The following BACH2 variants were observed in gnomAD, a reference collection of about 807,000 sequenced individuals.
The protein encoded by BACH2 is transcription regulator protein BACH2.
Under a neutral mutation model 61.8 loss-of-function variants are expected in BACH2, and 5 were observed. That is an observed-to-expected ratio of 0.08 (90% confidence interval 0.04 to 0.17). BACH2 has a LOEUF of 0.17. Ranked by LOEUF, BACH2 falls within the 10% of genes least tolerant of loss-of-function variation. The probability of loss-of-function intolerance (pLI) is 1.00; values close to 1 mark genes in which losing one functional copy is unlikely to be tolerated. For missense variants in BACH2, 824 were observed against 1,091.1 expected, an observed-to-expected ratio of 0.76 and a Z score of 3.45; for synonymous variants, 446 against 440.1, an observed-to-expected ratio of 1.01 and a Z score of -0.17.
chr6:89,946,994 C>T (rs949936549), intron 7 of BACH2, among the ~76,000 whole-genome samples: 3 of 152,218 alleles, frequency 2.0e-5, no homozygotes, highest in Non-Finnish European at 4.4e-5. Flanking sequence ...TTACAGAATA[C>T]AAGGTATGTT....
Position 89,950,522 on chromosome 6 carries a change from G to A in BACH2, c.1584C>T (p.Tyr528=), listed in dbSNP as rs761668194. The A allele has an allele frequency of 5.1e-5, 83 of 1,613,384 alleles. No homozygotes were observed. The highest frequency in any genetic ancestry group is 6.4e-5 in the Non-Finnish European group (75 of 1,179,598). Reference sequence around the variant, plus strand: ...GTGAGCCCCCGCTCCCGTCCTCCGCGTAGGAATAGGAAGAGCAGGAGCTGG... The same window carrying A: ...GTGAGCCCCCGCTCCCGTCCTCCGCATAGGAATAGGAAGAGCAGGAGCTGG... ...RTSSSCSSYS[Y]AEDGSGGSPC... is the part of the protein sequence containing the mutation. Residue 528 remains tyrosine, a synonymous_variant, in exon 7 of 9, where the codon TAC becomes TAT. Transcript: ENST00000257749. This position sits in a 1 kb window ranked among gnomAD's most constrained non-coding sequence, Gnocchi z 5.3.
chr6:90,129,207 T>C (rs1163203722), intron 4 of BACH2, among the ~76,000 whole-genome samples: 2 of 152,138 alleles, frequency 1.3e-5, no homozygotes, highest in African/African-American at 4.8e-5. Context: ...ACCCTAAAAC[T>C]TAAAGTATAA....
At chr6:90,111,657 G>A (rs1423974983) in intron 4 of BACH2, among the ~76,000 whole-genome samples, 1 of 152,154 alleles carries the variant, frequency 6.6e-6, no homozygotes, top group Non-Finnish European at 1.5e-5. Context: ...TACTCAACCT[G>A]CCCATACACA....
intron 4 of BACH2, among the ~76,000 whole-genome samples, chr6:90,130,246 G>A (rs527815338): frequency 6.6e-5 from 10 of 152,202 alleles, no homozygotes; most frequent in African/African-American, 1.4e-4. Flanking sequence ...GTGAGAAGTC[G>A]TAAGACATCC....
intron 1 of BACH2, among the ~76,000 whole-genome samples, chr6:90,291,671 AT>A (rs1286761202): frequency 6.6e-6 from 1 of 152,008 alleles, no homozygotes; most frequent in Non-Finnish European, 1.5e-5. Flanking sequence ...AGTTTACAAA[AT>A]GTTTAGTTCA....
chr6:90,241,814 A>T (rs1312853846), intron 3 of BACH2, among the ~76,000 whole-genome samples: 1 of 151,976 alleles, frequency 6.6e-6, no homozygotes, highest in Non-Finnish European at 1.5e-5. Context: ...AAAAAAAATT[A>T]AAAAACAACT....
intron 6 of BACH2, among the ~76,000 whole-genome samples, chr6:89,989,660 G>A (rs1776436884): frequency 6.6e-6 from 1 of 152,176 alleles, no homozygotes; most frequent in African/African-American, 2.4e-5. Context: ...TCTACTAAGG[G>A]CCCAAGTTGT....
At chr6:90,097,754 T>C (rs1031323827) in intron 4 of BACH2, among the ~76,000 whole-genome samples, 1 of 152,216 alleles carries the variant, frequency 6.6e-6, no homozygotes, top group South Asian at 2.1e-4. Flanking sequence ...TTGTACAGCC[T>C]TCACCACTAT....
At chr6:90,129,509 C>CA (rs1554250407) in intron 4 of BACH2, among the ~76,000 whole-genome samples, 1 of 151,056 alleles carries the variant, frequency 6.6e-6, no homozygotes, top group Non-Finnish European at 1.5e-5. Flanking sequence ...TGGTTTCTTT[C>CA]TTTTTTTTTA....
Position 89,947,570 on chromosome 6 carries a change from C to CTT in BACH2, c.1836+2698_1836+2699dup, listed in dbSNP as rs1350987737. On this transcript the variant is annotated intron_variant, in intron 7 of 8. Coordinates refer to ENST00000257749, the MANE Select transcript of BACH2 (RefSeq NM_021813.4). ...GAATGCAGAAGATGGATTTTTCTTT[C>CTT]TTTTTTTTTTTTTGAGACAGAGTCT... Among the ~76,000 whole-genome samples the CTT allele has an allele frequency of 1.3e-3, 194 of 144,984 alleles. 1 individual carries two copies. The highest frequency in any genetic ancestry group is 4.6e-3 in the African/African-American group (185 of 39,840).
intron 5 of BACH2, among the ~76,000 whole-genome samples, chr6:90,065,533 G>C (rs1780917841): frequency 6.6e-6 from 1 of 151,938 alleles, no homozygotes; most frequent in Non-Finnish European, 1.5e-5. Context: ...AGCAGCCATA[G>C]ACGATATGGG....
intron 2 of BACH2, among the ~76,000 whole-genome samples, chr6:90,266,945 T>C (rs924235542): frequency 2.9e-4 from 44 of 152,172 alleles, no homozygotes; most frequent in African/African-American, 1.0e-3. Flanking sequence ...TGGCAACGCA[T>C]AGTCTTTGAG....
At chr6:90,262,829 A>T (rs1369252527) in intron 2 of BACH2, among the ~76,000 whole-genome samples, 1 of 152,226 alleles carries the variant, frequency 6.6e-6, no homozygotes, top group Non-Finnish European at 1.5e-5. Flanking sequence ...AACTGTTAGT[A>T]AGTATATAAA....
At chr6:90,159,098 G>A (rs763220091) in intron 4 of BACH2, among the ~76,000 whole-genome samples, 3 of 152,156 alleles carry the variant, frequency 2.0e-5, no homozygotes, top group African/African-American at 7.2e-5. Flanking sequence ...GACATTTAAC[G>A]TGTGACAAAG....
At chr6:90,252,919 T>G (rs770598052) in intron 2 of BACH2, among the ~76,000 whole-genome samples, 1 of 152,200 alleles carries the variant, frequency 6.6e-6, no homozygotes, top group African/African-American at 2.4e-5. Flanking sequence ...CAAGGCCAGA[T>G]AAGCCACAGT....
In BACH2 at chr6:90,172,379, A is replaced by G. The variant is rs6919175; in HGVS notation, c.-162+34190T>C. ...ATAAAAGAAATATTTAGAGATGTAA[A>G]GGGCAGAATGTGAAGGAAAAAACAG... On this transcript the variant is annotated intron_variant, in intron 4 of 8. Coordinates refer to ENST00000257749, the MANE Select transcript of BACH2 (RefSeq NM_021813.4). Among the ~76,000 whole-genome samples, 1,072 of 152,122 alleles carry G rather than the reference A, an allele frequency of 7.0e-3. 16 individuals are homozygous for G. Among genetic ancestry groups the G allele is most frequent in the African/African-American group, 0.024 (1,008 of 41,520 alleles).
rs1400087870 is a variant in BACH2, at chr6:90,038,733, T to C, written c.-12-29877A>G. 5.3e-5 allele frequency among the ~76,000 whole-genome samples: 8 copies of C among 152,120 alleles called. No homozygotes were observed. The East Asian group carries it at 1.3e-3, about 26-fold the overall frequency. On this transcript the variant is annotated intron_variant, in intron 5 of 8. Transcript: ENST00000257749. ...ATTTATAGATAGATCTTTGTCCTTT[T>C]TTTTACACAGAAGTTTACATATGGC...
intron 4 of BACH2, among the ~76,000 whole-genome samples, chr6:90,115,152 A>G (rs1052278062): frequency 5.9e-5 from 9 of 152,210 alleles, no homozygotes; most frequent in African/African-American, 1.7e-4. Context: ...GATATTCTTC[A>G]CAGAACTAGA....
At chr6:90,258,342 T>C (rs922017191) in intron 2 of BACH2, among the ~76,000 whole-genome samples, 24 of 152,226 alleles carry the variant, frequency 1.6e-4, no homozygotes, top group African/African-American at 5.1e-4. Flanking sequence ...TTGTGTCTTC[T>C]TGGTGCCCTT....
Sources: allele counts gnomAD v4.1 joint callset (sites outside exome capture counted in the v4.1 genomes callset), GRCh38; gene constraint gnomAD v4.1.1; non-coding constraint Gnocchi (gnomAD v3.1); transcripts MANE v1.5; gene names NCBI Gene and HGNC (gene_info 2026-07-23, HGNC 2026-07-21).